NOVA1: variants seen among roughly 807,000 people sequenced by gnomAD.
The protein encoded by NOVA1 is RNA-binding protein Nova-1.
Under a neutral mutation model 38.0 loss-of-function variants are expected in NOVA1, and 7 were observed. That is an observed-to-expected ratio of 0.18 (90% CI 0.10 to 0.35). NOVA1 has a LOEUF of 0.35. Ranked by LOEUF, NOVA1 falls within the 10% of genes least tolerant of loss-of-function variation. The pLI, the probability that NOVA1 is intolerant of heterozygous loss-of-function variation, is 1.00. For synonymous variants in NOVA1, 270 were observed against 232.5 expected, an observed-to-expected ratio of 1.16 and a Z score of -1.47; for missense variants, 460 against 616.0, an observed-to-expected ratio of 0.75 and a Z score of 2.68.
intron 2 of NOVA1, among the ~76,000 whole-genome samples, chr14:26,527,030 C>T (rs1044967282): frequency 1.3e-5 from 2 of 152,142 alleles, no homozygotes; most frequent in Non-Finnish European, 2.9e-5. Flanking sequence ...AGAAGAATCA[C>T]CTAAGGTAAA....
rs1230499450 is a variant in NOVA1, at chr14:26,447,832, T to C, written c.*127A>G. ...TATTTACATATACACATTGTCAACA[T>C]AGTCGCATTCATTTGCATAATTATA... is the stretch of plus-strand genomic sequence containing the variant. On this transcript the variant is annotated 3_prime_UTR_variant, in exon 5 of 5. Coordinates refer to ENST00000539517, the MANE Select transcript of NOVA1 (RefSeq NM_002515.3). The C allele has an allele frequency of 1.6e-5, 11 of 683,522 alleles. No individual in the cohort carries two copies. Among genetic ancestry groups the C allele is most frequent in the African/African-American group, 3.6e-5 (2 of 54,938 alleles). The allele number at this position is 683,522 out of a possible 1,614,324, so 42.3% of individuals were successfully genotyped here.
chr14:26,468,310 TA>T (rs58883834), intron 4 of NOVA1, among the ~76,000 whole-genome samples: 137,565 of 144,796 alleles, frequency 0.95, 65,605 homozygotes, highest in East Asian at 1. Context: ...TCAAACAGGT[TA>T]AAAAAAAAAA....
At chr14:26,561,055 G>A (rs1293620987) in intron 2 of NOVA1, among the ~76,000 whole-genome samples, 1 of 152,124 alleles carries the variant, frequency 6.6e-6, no homozygotes, top group Non-Finnish European at 1.5e-5. Context: ...TTCTCATAAG[G>A]AGTGTGCAAC....
chr14:26,488,626 C>T (rs528751563), intron 2 of NOVA1, among the ~76,000 whole-genome samples: 3 of 152,104 alleles, frequency 2.0e-5, no homozygotes, highest in Non-Finnish European at 4.4e-5. Context: ...TAGGTTTATG[C>T]TAAATTTAGG....
intron 2 of NOVA1, among the ~76,000 whole-genome samples, chr14:26,533,334 T>C (rs923808896): frequency 6.6e-6 from 1 of 152,202 alleles, no homozygotes; most frequent in Admixed American, 6.5e-5. Context: ...AATGGGTAAG[T>C]GGTTCCAGCA....
At chr14:26,480,520 G>GA (rs963648356) in intron 2 of NOVA1, among the ~76,000 whole-genome samples, 10 of 151,900 alleles carry the variant, frequency 6.6e-5, no homozygotes, top group African/African-American at 9.7e-5. Context: ...TCTTCAGGGG[G>GA]AAAAAAACCG....
intron 4 of NOVA1, among the ~76,000 whole-genome samples, chr14:26,463,007 G>C (rs1371295786): frequency 6.6e-6 from 1 of 152,084 alleles, no homozygotes; most frequent in East Asian, 1.9e-4. Flanking sequence ...GACTATTAAA[G>C]ATAGGGCCAA....
At chr14:26,480,799 G>C (rs1373636230) in intron 2 of NOVA1, among the ~76,000 whole-genome samples, 2 of 151,930 alleles carry the variant, frequency 1.3e-5, no homozygotes, top group Non-Finnish European at 1.5e-5. Flanking sequence ...ACATTTGTTG[G>C]ATAAATGAAT....
chr14:26,548,215 G>A (rs1024803280), intron 2 of NOVA1, among the ~76,000 whole-genome samples: 2 of 151,884 alleles, frequency 1.3e-5, no homozygotes, highest in African/African-American at 4.8e-5. Flanking sequence ...AAATATCTTG[G>A]TAAGGTACAA....
intron 2 of NOVA1, among the ~76,000 whole-genome samples, chr14:26,493,861 C>T (rs911750181): frequency 5.9e-5 from 9 of 152,160 alleles, no homozygotes; most frequent in Non-Finnish European, 4.4e-5. Flanking sequence ...CTTCCCCTAA[C>T]CTTTAGTGAC....
chr14:26,454,726 T>A (rs187748884), intron 4 of NOVA1, among the ~76,000 whole-genome samples: 215 of 152,308 alleles, frequency 1.4e-3, no homozygotes, highest in African/African-American at 4.9e-3. Context: ...AATACTGACA[T>A]TTCATTTTAT....
intron 4 of NOVA1, among the ~76,000 whole-genome samples, chr14:26,469,680 C>G (rs1884430716): frequency 6.6e-6 from 1 of 152,156 alleles, no homozygotes; most frequent in South Asian, 2.1e-4. Context: ...GCCTCGAACT[C>G]CTGGCCTCAG....
intron 2 of NOVA1, among the ~76,000 whole-genome samples, chr14:26,572,079 T>G (rs897196529): frequency 1.3e-5 from 2 of 152,218 alleles, no homozygotes; most frequent in East Asian, 3.8e-4. Context: ...AAGGTTTGTT[T>G]TTGTTTAATA....
At chr14:26,449,743 T>C (rs1339438103) in intron 4 of NOVA1, among the ~76,000 whole-genome samples, 1 of 152,154 alleles carries the variant, frequency 6.6e-6, no homozygotes, top group Non-Finnish European at 1.5e-5. Context: ...CATTGCTACA[T>C]TTTTAAAATT....
At chr14:26,511,168 T>C (rs1006004568) in intron 2 of NOVA1, among the ~76,000 whole-genome samples, 1 of 152,260 alleles carries the variant, frequency 6.6e-6, no homozygotes, top group Admixed American at 6.5e-5. Context: ...AAGGTTCACT[T>C]TTATCTTCTA....
At chr14:26,466,169 A>G (rs762025470) in intron 4 of NOVA1, among the ~76,000 whole-genome samples, 2 of 152,204 alleles carry the variant, frequency 1.3e-5, no homozygotes, top group Non-Finnish European at 2.9e-5. Flanking sequence ...TGCAAGGGGC[A>G]ACAAATGTCA....
Position 26,445,165 on chromosome 14 carries a change from C to T in NOVA1, c.*2794G>A, listed in dbSNP as rs1392132009. Reference sequence around the variant, plus strand: ...AACAAGTCTATAAATAGTTGCATTTCATAAGATGTTTGGCCCTTGTATCAT... The same window carrying T: ...AACAAGTCTATAAATAGTTGCATTTTATAAGATGTTTGGCCCTTGTATCAT... On this transcript the variant is annotated 3_prime_UTR_variant, in exon 5 of 5. Coordinates refer to ENST00000539517, the MANE Select transcript of NOVA1 (RefSeq NM_002515.3). The T allele has an allele frequency of 2.0e-5, 3 of 152,186 alleles. No homozygotes were observed. Among genetic ancestry groups the T allele is most frequent in the Non-Finnish European group, 4.4e-5 (3 of 68,036 alleles). 9.4% of individuals were successfully genotyped at this position (152,186 alleles called of 1,614,324 possible).
chr14:26,535,466 GT>G (rs774181431), intron 2 of NOVA1, among the ~76,000 whole-genome samples: 6 of 152,118 alleles, frequency 3.9e-5, no homozygotes, highest in Non-Finnish European at 7.4e-5. Flanking sequence ...TATTATTCTA[GT>G]AGATACTTTA....
chr14:26,518,068 T>A (rs1248620577), intron 2 of NOVA1, among the ~76,000 whole-genome samples: 1 of 152,096 alleles, frequency 6.6e-6, no homozygotes, highest in Non-Finnish European at 1.5e-5. Flanking sequence ...ACAGGTCCAA[T>A]ACTTTATTTA....
Sources: allele counts gnomAD v4.1 joint callset (sites outside exome capture counted in the v4.1 genomes callset), GRCh38; gene constraint gnomAD v4.1.1; transcripts MANE v1.5; gene names NCBI Gene and HGNC (gene_info 2026-07-23, HGNC 2026-07-21).